SYTL2: variants seen among roughly 807,000 people sequenced by gnomAD.
SYTL2 encodes synaptotagmin like 2.
Under a neutral mutation model 198.7 loss-of-function variants are expected in SYTL2, and 165 were observed. The ratio of observed to expected loss-of-function variants is 0.83; its 90% CI spans 0.73 to 0.94. The LOEUF is 0.94. Among genes scored for constraint, SYTL2 ranks in the 40% least tolerant of loss-of-function variants. The pLI is 0.00. For missense variants in SYTL2, 2,835 were observed against 2,582.8 expected (o/e 1.10, Z -2.12); for synonymous variants, 966 against 917.7 (o/e 1.05, Z -0.95).
At chr11:85,751,932 T>C (rs2091536536) in intron 2 of SYTL2, among the ~76,000 whole-genome samples, 1 of 152,236 alleles carries the variant, frequency 6.6e-6, no homozygotes, top group Admixed American at 6.5e-5. Flanking sequence ...AAAAATTCTA[T>C]CTACAGCCCT....
At chr11:85,801,605 T>C (rs1007202019) in intron 1 of SYTL2, among the ~76,000 whole-genome samples, 2 of 152,224 alleles carry the variant, frequency 1.3e-5, no homozygotes. Flanking sequence ...CAAACCCATC[T>C]TTCATACTGT....
intron 10 of SYTL2, 161 bp downstream of exon 10, chr11:85,718,629 A>G: frequency 1.6e-6 from 1 of 638,544 alleles, no homozygotes; most frequent in East Asian, 2.7e-5. Context: ...ACTATATTAA[A>G]TGTACCAAAT....
chr11:85,706,482 T>A (rs1393108505), intron 15 of SYTL2, among the ~76,000 whole-genome samples: 1 of 152,210 alleles, frequency 6.6e-6, no homozygotes, highest in Non-Finnish European at 1.5e-5. Context: ...ACTTAGGGGT[T>A]AAGCACAGCC....
chr11:85,762,054 T>G (rs1295440628), intron 1 of SYTL2, among the ~76,000 whole-genome samples: 2 of 152,248 alleles, frequency 1.3e-5, no homozygotes, highest in Non-Finnish European at 2.9e-5. Flanking sequence ...CATTTGCTGA[T>G]GGTTGTGTCA....
intron 1 of SYTL2, among the ~76,000 whole-genome samples, chr11:85,758,447 T>A (rs2091979041): frequency 6.6e-6 from 1 of 152,208 alleles, no homozygotes; most frequent in African/African-American, 2.4e-5. Context: ...AGATCAGGGA[T>A]ATGTGATTCC....
chr11:85,838,329 T>C, the SYTL2 span, among the ~76,000 whole-genome samples: 1 of 152,220 alleles, frequency 6.6e-6, no homozygotes. Flanking sequence ...TATTTTGCGT[T>C]ACACAAAGGT....
intron 4 of SYTL2, 72 bp downstream of exon 4, chr11:85,745,565 C>A: frequency 1.3e-6 from 2 of 1,532,624 alleles, no homozygotes; most frequent in Non-Finnish European, 1.8e-6. Context: ...TCATAGCCTG[C>A]CATTCTGCCC....
At chr11:85,759,898 A>G (rs592712) in intron 1 of SYTL2, among the ~76,000 whole-genome samples, 101,505 of 152,058 alleles carry the variant, frequency 0.67, 34,124 homozygotes, top group Middle Eastern at 0.72. Flanking sequence ...CCATACCCCA[A>G]GTTAAAGTTG....
intron 7 of SYTL2, among the ~76,000 whole-genome samples, chr11:85,728,850 G>T (rs571307619): frequency 6.6e-6 from 1 of 152,086 alleles, no homozygotes; most frequent in Non-Finnish European, 1.5e-5. Flanking sequence ...CCATTCCTGG[G>T]CCTTACTATT....
the SYTL2 span, chr11:85,853,243 A>T: frequency 2.3e-6 from 1 of 427,554 alleles, no homozygotes; most frequent in Non-Finnish European, 4.6e-6. Context: ...GGGAAAAGAT[A>T]GAGAAATCAG....
rs925090786 is a variant in SYTL2, at chr11:85,737,085, T to C, written c.472-470A>G. 4.8e-4 allele frequency among the ~76,000 whole-genome samples: 73 copies of C among 152,216 alleles called. 2 individuals are homozygous for C. Among genetic ancestry groups the C allele is most frequent in the Admixed American group, 1.5e-3 (23 of 15,290 alleles). On this transcript the variant is annotated intron_variant, in intron 5 of 19. Transcript: ENST00000359152. ...ATTTTAGGTATCTTGAAGTGCTTCA[T>C]AGTCATTATTATTATCATCAATTCT...
the SYTL2 span, among the ~76,000 whole-genome samples, chr11:85,837,265 G>A: frequency 6.6e-6 from 1 of 152,194 alleles, no homozygotes; most frequent in East Asian, 1.9e-4. Context: ...GGCAATTAAG[G>A]TAATGAAGGG....
intron 1 of SYTL2, among the ~76,000 whole-genome samples, chr11:85,771,688 A>G (rs1028442061): frequency 1.3e-5 from 2 of 152,140 alleles, no homozygotes; most frequent in Non-Finnish European, 2.9e-5. Flanking sequence ...AAAAGAACGT[A>G]AGATTTAAAG....
At chr11:85,737,413 G>A (rs2153499332) in intron 5 of SYTL2, among the ~76,000 whole-genome samples, 162 bp downstream of exon 5, 1 of 152,292 alleles carries the variant, frequency 6.6e-6, no homozygotes, top group South Asian at 2.1e-4. Flanking sequence ...CCATGAGAGT[G>A]ACTTCTTAAA....
intron 1 of SYTL2, among the ~76,000 whole-genome samples, chr11:85,775,624 A>C (rs1641731408): frequency 6.6e-6 from 1 of 152,176 alleles, no homozygotes; most frequent in South Asian, 2.1e-4. Flanking sequence ...CTGGAATTAC[A>C]TGCATGTGCG....
intron 17 of SYTL2, among the ~76,000 whole-genome samples, 194 bp downstream of exon 17, chr11:85,700,321 C>CT (rs10607209): frequency 0.011 from 1,524 of 137,850 alleles, 22 homozygotes; most frequent in African/African-American, 0.027. Context: ...TTTATGTTTT[C>CT]TTTTTTTTTT....
chr11:85,769,969 C>G (rs940139087), intron 1 of SYTL2, among the ~76,000 whole-genome samples: 1 of 152,100 alleles, frequency 6.6e-6, no homozygotes, highest in Non-Finnish European at 1.5e-5. Context: ...ATCATTTAAC[C>G]CAAAACAAAG....
chr11:85,701,327 T>C (rs933401554), intron 16 of SYTL2, among the ~76,000 whole-genome samples: 2 of 152,238 alleles, frequency 1.3e-5, no homozygotes, highest in South Asian at 4.1e-4. Context: ...TAATTTTATA[T>C]AACATTTTTA....
rs1239859126 is a variant in SYTL2 at position 85,726,176 on chromosome 11, T to C, written c.3182A>G (p.Gln1061Arg). 6.2e-7 allele frequency: 1 copy of C among 1,614,008 alleles called. No homozygotes were observed. ...AAATGTGATTTCATCTGGTAGCACC[T>C]GGAGTATGCCCTTTGAATTTAATTT... ...MEKLNSKGIL[Q>R]VLPDEITFPL... Residue 1061 changes from glutamine (Q) to arginine (R), a missense_variant, in exon 8 of 20, where the codon CAG becomes CGG. Gln to Arg is a conservative substitution (Grantham distance 43). Transcript: ENST00000359152.
Sources: gnomAD v4.1 joint callset for allele counts (sites outside exome capture counted in the v4.1 genomes callset) on GRCh38, gnomAD v4.1.1 for gene constraint, MANE v1.5 for transcripts, NCBI Gene and HGNC (gene_info 2026-07-23, HGNC 2026-07-21) for gene names.